GDPD2: variants seen among roughly 807,000 people sequenced by gnomAD.
GDPD2 encodes the protein glycerophosphodiester phosphodiesterase domain containing 2.
A neutral mutation model predicts 49.2 loss-of-function variants in GDPD2; 23 were observed. The ratio of observed to expected loss-of-function variants is 0.47; its 90% CI spans 0.34 to 0.66. The LOEUF (loss-of-function observed/expected upper bound fraction) is 0.66, where lower values mean the gene tolerates loss of function less well. GDPD2 is among the 30% of genes least tolerant of loss of function. The pLI, the probability that GDPD2 is intolerant of heterozygous loss-of-function variation, is 0.01. For missense variants in GDPD2, 338 were observed against 424.7 expected, an observed-to-expected ratio of 0.80 and a Z score of 1.79; for synonymous variants, 167 against 171.4, an observed-to-expected ratio of 0.97 and a Z score of 0.20.
At position 70,426,859 on chromosome X, in the gene GDPD2, C is replaced by A. The variant is rs1274889093; in HGVS notation, c.557-7C>A. ...ATTCTTGAAAGCCTGTCCCCCACTC[C>A]CCACAGGTCCCAAGATTCTGCTACT... On this transcript the variant is annotated splice_polypyrimidine_tract_variant and splice_region_variant and intron_variant, in intron 7 of 15. Transcript: ENST00000374382. 4 of 1,209,888 alleles carry A rather than the reference C, an allele frequency of 3.3e-6. No homozygotes were observed. The highest frequency in any genetic ancestry group is 4.5e-6 in the Non-Finnish European group (4 of 893,858).
At chrX:70,432,713 G>A in intron 14 of GDPD2, 52 bp downstream of exon 14, 1 of 937,083 alleles carries the variant, frequency 1.1e-6, no homozygotes. Context: ...CCAGGGCCCT[G>A]GTGATGAGGC....
chrX:70,424,451 G>C (rs2086403533), intron 1 of GDPD2, among the ~76,000 whole-genome samples: 1 of 111,883 alleles, frequency 8.9e-6, no homozygotes. Flanking sequence ...TGGCCAACTA[G>C]CTGGGCCTTC....
chrX:70,431,136 T>C, intron 12 of GDPD2: 1 of 1,138,005 alleles, frequency 8.8e-7, no homozygotes, highest in Non-Finnish European at 1.2e-6. Flanking sequence ...TGTAAGTATT[T>C]ATTTCCCCGA....
chrX:70,431,888 G>A (rs905302363), intron 12 of GDPD2, among the ~76,000 whole-genome samples: 1 of 111,706 alleles, frequency 9.0e-6, no homozygotes, highest in Non-Finnish European at 1.9e-5. Flanking sequence ...AGCCCATCTG[G>A]GATATTATTT....
In GDPD2 at chrX:70,427,188, G is replaced by C; in HGVS notation, c.754G>C (p.Ala252Pro). 1.7e-6 allele frequency: 2 copies of C among 1,208,082 alleles called. No individual in the cohort carries two copies. The highest frequency in any genetic ancestry group is 2.2e-6 in the Non-Finnish European group (2 of 892,263). ...CTTGCGGAAGACAGCTGAATGCGGA[G>C]CTACTGTGTTTGAGACTGATGTGAT... is the stretch of plus-strand genomic sequence containing the variant. ...MSLRKTAECG[A>P]TVFETDVMVS... is the part of the protein sequence containing the mutation. Residue 252 changes from alanine to proline, a missense_variant, in exon 9 of 16, where the codon GCT becomes CCT. Transcript: ENST00000374382.
chrX:70,425,175 C>T, intron 2 of GDPD2, 86 bp downstream of exon 2: 1 of 709,611 alleles, frequency 1.4e-6, no homozygotes, highest in Non-Finnish European at 2.2e-6. Flanking sequence ...TGCTCATAGA[C>T]AGCTTGGGGG....
At chrX:70,424,833 A>T in intron 1 of GDPD2, 143 bp from the exon 2 acceptor site, 1 of 423,475 alleles carries the variant, frequency 2.4e-6, no homozygotes, top group Non-Finnish European at 4.1e-6. Flanking sequence ...CCACTCTGGC[A>T]CTCTGGGCCT....
At position 70,433,225 on chromosome X, in the gene GDPD2, G is replaced by A; in HGVS notation, c.*139G>A. ...TTGCCAACAGGAGGTTTTGAACCAT[G>A]AGGGCCCTCTGCCCAGGTGATGGGC... On this transcript the variant is annotated 3_prime_UTR_variant, in exon 16 of 16. Transcript: ENST00000374382. The A allele has an allele frequency of 2.0e-6, 1 of 499,388 alleles. No homozygotes were observed. The highest frequency in any genetic ancestry group is 3.5e-6 in the Non-Finnish European group (1 of 283,181). The allele number at this position is 499,388 out of a possible 1,213,427, so 41.2% of individuals were successfully genotyped here.
rs1281051929 is a variant in GDPD2 at position 70,425,853 on chromosome X, A to G, written c.300A>G (p.Leu100=). 8.8e-7 allele frequency: 1 copy of G among 1,140,387 alleles called. No homozygotes were observed. The highest frequency in any genetic ancestry group is 3.0e-5 in the East Asian group (1 of 33,577). The allele number at this position is 1,140,387 out of a possible 1,213,427, so 94.0% of individuals were successfully genotyped here. ...TACTGGTCACATATGCATCCTTGCTATTGGTGGGTCCGGAGGCCGCTGGCC... is the reference window on the plus strand; with the variant it reads ...TACTGGTCACATATGCATCCTTGCTGTTGGTGGGTCCGGAGGCCGCTGGCC... The part of the protein sequence containing the change: ...ISLLVTYASL[L]LVLALLLRLC... The change falls in exon 4 of 16, where the codon CTA becomes CTG. Residue 100 remains leucine, a synonymous_variant. Transcript: ENST00000374382.
chrX:70,428,844 T>C (rs1417212518), intron 10 of GDPD2, among the ~76,000 whole-genome samples: 1 of 112,316 alleles, frequency 8.9e-6, no homozygotes, highest in Non-Finnish European at 1.9e-5. Flanking sequence ...GCTTTATCCA[T>C]GTCAGCAATT....
chrX:70,425,135 G>A lies in GDPD2; in HGVS notation c.105+46G>A, dbSNP rs200231307. 2.7e-3 allele frequency: 2,570 copies of A among 942,180 alleles called. 34 individuals are homozygous for A. The South Asian group carries it at 0.051, about 19-fold the overall frequency. 77.6% of individuals were successfully genotyped at this position (942,180 alleles called of 1,213,427 possible). A position where few individuals can be genotyped will look rare whatever the true frequency, so the allele number is the denominator to read the frequency against. On this transcript the variant is annotated intron_variant, in intron 2 of 15. Transcript: ENST00000374382. Reference sequence around the variant, plus strand: ...GGAGGCTGGAAGTCAGAAGGCAGAGGCTCACTGGAGGGGATAAGGAGGCCA... The same window carrying A: ...GGAGGCTGGAAGTCAGAAGGCAGAGACTCACTGGAGGGGATAAGGAGGCCA...
At chrX:70,424,724 G>A (rs907709681) in intron 1 of GDPD2, among the ~76,000 whole-genome samples, 2 of 112,570 alleles carry the variant, frequency 1.8e-5, no homozygotes, top group African/African-American at 6.5e-5. Flanking sequence ...GACCTCTTGG[G>A]TGTCCCACTG....
chrX:70,425,892 G>T, intron 4 of GDPD2, 36 bp downstream of exon 4: 1 of 949,489 alleles, frequency 1.1e-6, no homozygotes, highest in African/African-American at 1.9e-5. Context: ...CCCCACCTCA[G>T]CCTTCCTTCC....
chrX:70,426,276 G>T, intron 5 of GDPD2, 95 bp from the exon 6 acceptor site: 1 of 821,451 alleles, frequency 1.2e-6, no homozygotes, highest in Non-Finnish European at 1.8e-6. Context: ...CAGGGGAAGG[G>T]AAGGGTCGGG....
chrX:70,426,325 T>A, intron 5 of GDPD2, 46 bp from the exon 6 acceptor site: 1 of 1,108,833 alleles, frequency 9.0e-7, no homozygotes, highest in Non-Finnish European at 1.2e-6. Flanking sequence ...TCACCAACCA[T>A]GAGCCCAAAT....
rs1411182850 is a variant in GDPD2, at chrX:70,426,035, C to T, written c.304-17C>T. 8.3e-7 allele frequency: 1 copy of T among 1,199,581 alleles called. No individual in the cohort carries two copies. Among genetic ancestry groups the T allele is most frequent in the East Asian group, 3.0e-5 (1 of 33,805 alleles). On this transcript the variant is annotated splice_polypyrimidine_tract_variant and intron_variant, in intron 4 of 15. Transcript: ENST00000374382. ...CCCTCTTGGCACCCCATAAGTCCCA[C>T]TGCTCTCTTCCTCTAGGTCCTGGCC...
chrX:70,426,562 A>G (rs906965267), intron 6 of GDPD2, 86 bp from the exon 7 acceptor site: 1 of 1,021,516 alleles, frequency 9.8e-7, no homozygotes, highest in Middle Eastern at 2.7e-4. Flanking sequence ...GACTGCAGGT[A>G]GCTCTGAACT....
intron 10 of GDPD2, 56 bp from the exon 11 acceptor site, chrX:70,429,437 T>TGG (rs1464662773): frequency 1.3e-6 from 1 of 753,779 alleles, no homozygotes; most frequent in Non-Finnish European, 2.0e-6. Context: ...ATAGTGAGGA[T>TGG]GGGGGCAAGG....
Position 70,429,619 on chromosome X carries a change from G to T in GDPD2, c.1063G>T (p.Asp355Tyr). ...AGCCCTCAACCTTTCCATCATGTTC[G>T]ACTTGCGCCGACCCCCACAGAACCA... ...AAALNLSIMF[D>Y]LRRPPQNHTY... The change falls in exon 11 of 16, where the codon GAC (aspartate) becomes TAC (tyrosine). Residue 355 changes from aspartate to tyrosine, a missense_variant. Physicochemically the swap from Asp to Tyr is radical, Grantham distance 160. Coordinates refer to ENST00000374382, the MANE Select transcript of GDPD2 (RefSeq NM_017711.4). 1 of 1,207,606 alleles carries T rather than the reference G, an allele frequency of 8.3e-7. No homozygotes were observed. The highest frequency in any genetic ancestry group is 1.1e-6 in the Non-Finnish European group (1 of 892,561).
Sources: allele counts gnomAD v4.1 joint callset (sites outside exome capture counted in the v4.1 genomes callset), GRCh38; gene constraint gnomAD v4.1.1; transcripts MANE v1.5; gene names NCBI Gene and HGNC (gene_info 2026-07-23, HGNC 2026-07-21).